GCN1: variants seen among roughly 807,000 people sequenced by gnomAD.
GCN1 encodes GCN1 activator of EIF2AK4.
Under a neutral mutation model 288.4 loss-of-function variants are expected in GCN1, and 90 were observed. That is an observed-to-expected ratio of 0.31 (90% CI 0.26 to 0.37). The LOEUF (loss-of-function observed/expected upper bound fraction) is 0.37. Ranked by LOEUF, GCN1 falls within the 10% of genes least tolerant of loss-of-function variation. The pLI is 1.00. For synonymous variants in GCN1, 1,386 were observed against 1,420.2 expected, an observed-to-expected ratio of 0.98 and a Z score of 0.54; for missense variants, 2,586 against 3,419.9, an observed-to-expected ratio of 0.76 and a Z score of 6.08.
rs773961763 is a variant in GCN1, at chr12:120,163,125, G to C, written c.1983C>G (p.Thr661=). 1.2e-5 allele frequency: 19 copies of C among 1,614,158 alleles called. No homozygotes were observed. The highest frequency in any genetic ancestry group is 1.6e-5 in the Non-Finnish European group (19 of 1,180,022). Residue 661 remains threonine, a synonymous_variant, in exon 19 of 58, where the codon ACC becomes ACG. Transcript: ENST00000300648. ...TTTCCTGGGCCAGTTGTTCAGTGTCGGTGACATCACCCTTGAGCCCTGGCA... is the reference window on the plus strand; with the variant it reads ...TTTCCTGGGCCAGTTGTTCAGTGTCCGTGACATCACCCTTGAGCCCTGGCA... ...SGVPGLKGDV[T]DTEQLAQEML...
chr12:120,153,381 T>C lies in GCN1; in HGVS notation c.3894A>G (p.Val1298=). 1 of 1,614,188 alleles carries C rather than the reference T, an allele frequency of 6.2e-7. No homozygotes were observed. The highest frequency in any genetic ancestry group is 1.7e-5 in the Admixed American group (1 of 60,028). ...GCGCGTTCTTCAGGAACTCCTCGAA[T>C]ACTGGCAACAGCGAGTTGACGTTCT... ...GKENVNSLLP[V]FEEFLKNAPN... The change falls in exon 33 of 58, where the codon GTA becomes GTG. Residue 1298 remains valine (V), a synonymous_variant. Coordinates refer to ENST00000300648, the MANE Select transcript of GCN1 (RefSeq NM_006836.2). This position sits in a 1 kb window ranked among gnomAD's most constrained non-coding sequence, Gnocchi z 4.4.
intron 36 of GCN1, 118 bp from the exon 37 acceptor site, chr12:120,148,464 A>T: frequency 1.3e-6 from 1 of 775,528 alleles, no homozygotes; most frequent in African/African-American, 1.7e-5. Context: ...GTGCTCAAGC[A>T]GTCACTGGGA....
At chr12:120,162,428 T>G (rs1472386215) in intron 20 of GCN1, among the ~76,000 whole-genome samples, 1 of 152,172 alleles carries the variant, frequency 6.6e-6, no homozygotes, top group African/African-American at 2.4e-5. Context: ...CCCAAGCCAG[T>G]AGACATTATT....
Position 120,158,381 on chromosome 12 carries a change from G to C in GCN1, c.2905+79C>G. ...CAATCCCCCAGGCTCAGGAGGCCCT[G>C]GGTGACGCTGTGCCTTGAGCAGCAT... On this transcript the variant is annotated intron_variant, in intron 25 of 57. Transcript: ENST00000300648. The surrounding 1 kb of genome is among the most constrained non-coding windows in gnomAD (Gnocchi z 4.3). The C allele has an allele frequency of 8.0e-7, 1 of 1,242,684 alleles. No individual in the cohort carries two copies. Among genetic ancestry groups the C allele is most frequent in the South Asian group, 1.5e-5 (1 of 66,050 alleles). The allele number at this position is 1,242,684 out of a possible 1,614,324, so 77.0% of individuals were successfully genotyped here.
rs1334898551 is a variant in GCN1, at chr12:120,127,991, G to A, written c.7891-17C>T. ...GGAGAGGGACTGTGGGGAAGGATGAGCAGGAGGAAACATAGTCAGAACATA... is the reference window on the plus strand; with the variant it reads ...GGAGAGGGACTGTGGGGAAGGATGAACAGGAGGAAACATAGTCAGAACATA... On this transcript the variant is annotated splice_polypyrimidine_tract_variant and intron_variant, in intron 57 of 57. Coordinates refer to ENST00000300648, the MANE Select transcript of GCN1 (RefSeq NM_006836.2). The A allele has an allele frequency of 1.9e-6, 3 of 1,613,562 alleles. No homozygotes were observed. The highest frequency in any genetic ancestry group is 1.7e-5 in the Admixed American group (1 of 59,968).
chr12:120,168,804 T>C (rs1436170698), intron 15 of GCN1, among the ~76,000 whole-genome samples: 1 of 152,132 alleles, frequency 6.6e-6, no homozygotes, highest in East Asian at 1.9e-4. Context: ...TATTTCTGTA[T>C]TTCCTCGCGC....
Position 120,185,654 on chromosome 12 carries a change from G to A in GCN1, c.122-767C>T, listed in dbSNP as rs560175024. Among the ~76,000 whole-genome samples the A allele has an allele frequency of 5.9e-5, 9 of 152,298 alleles. No individual in the cohort carries two copies. In the East Asian group the frequency reaches 1.7e-3, roughly 29 times the overall value. On this transcript the variant is annotated intron_variant, in intron 2 of 57. Coordinates refer to ENST00000300648, the MANE Select transcript of GCN1 (RefSeq NM_006836.2). ...CTCACTCTATCGCCCCGGCTGGAGT[G>A]CAGTAGTGCGATCTCGGCTCACCGC...
chr12:120,139,469 A>G (rs958851471), intron 45 of GCN1, among the ~76,000 whole-genome samples: 3 of 152,142 alleles, frequency 2.0e-5, no homozygotes, highest in Non-Finnish European at 4.4e-5. Context: ...TCTACTAAAA[A>G]TGCAAAAATT....
chr12:120,131,388 A>AC, intron 54 of GCN1, 55 bp from the exon 55 acceptor site: 1 of 1,578,638 alleles, frequency 6.3e-7, no homozygotes, highest in Non-Finnish European at 8.7e-7. Context: ...TGTCCCCAGC[A>AC]CCCATGAGGC....
At chr12:120,132,097 T>G in intron 53 of GCN1, 75 bp from the exon 54 acceptor site, 9 of 944,704 alleles carry the variant, frequency 9.5e-6, no homozygotes, top group Non-Finnish European at 1.3e-5. Context: ...CAGGCAGCTC[T>G]AGAGCCCAGG....
chr12:120,147,241 CG>C lies in GCN1; in HGVS notation c.4757del (p.Thr1586ArgfsTer60). Reference sequence around the variant, plus strand: ...ACTTCTGGGTCTTCCTGGAGGGATCCGTCAGGGCATCCAGGAGGACTGGAGC... The same window carrying C: ...ACTTCTGGGTCTTCCTGGAGGGATCCTCAGGGCATCCAGGAGGACTGGAGC... ...AIAPVLLDAL[T>X]DPSRKTQKCL... On this transcript the variant is annotated frameshift_variant, in exon 38 of 58. Coordinates refer to ENST00000300648, the MANE Select transcript of GCN1 (RefSeq NM_006836.2). LOFTEE classifies it high-confidence loss of function. 6.2e-7 allele frequency: 1 copy of C among 1,606,594 alleles called. No homozygotes were observed. Among genetic ancestry groups the C allele is most frequent in the Non-Finnish European group, 8.5e-7 (1 of 1,174,446 alleles).
At position 120,134,499 on chromosome 12, in the gene GCN1, T is replaced by C; in HGVS notation, c.7202+34A>G. On this transcript the variant is annotated intron_variant, in intron 52 of 57. Coordinates refer to ENST00000300648, the MANE Select transcript of GCN1 (RefSeq NM_006836.2). This position sits in a 1 kb window ranked among gnomAD's most constrained non-coding sequence, Gnocchi z 5.0. ...CGGCCCACAGCAACCCCTGGCCTCCTGGAGGCCACAGTGCTCCCTTGCCAG... is the reference window on the plus strand; with the variant it reads ...CGGCCCACAGCAACCCCTGGCCTCCCGGAGGCCACAGTGCTCCCTTGCCAG... 6.3e-7 allele frequency: 1 copy of C among 1,598,234 alleles called. No homozygotes were observed. The highest frequency in any genetic ancestry group is 8.6e-7 in the Non-Finnish European group (1 of 1,166,158).
At chr12:120,193,908 G>A (rs1307639057) in intron 1 of GCN1, among the ~76,000 whole-genome samples, 2 of 152,306 alleles carry the variant, frequency 1.3e-5, no homozygotes, top group African/African-American at 4.8e-5. Flanking sequence ...CAGCCCAGCT[G>A]TCCTTAGACA....
At position 120,149,750 on chromosome 12, in the gene GCN1, C is replaced by T. The variant is rs760219146; in HGVS notation, c.4432-30G>A. ...AGGGGGGAGAAAACACATTCAGGGG[C>T]CTCCTCACCCAAGCAAGGGGCAAGG... On this transcript the variant is annotated intron_variant, in intron 35 of 57. Transcript: ENST00000300648. 2.5e-6 allele frequency: 4 copies of T among 1,579,532 alleles called. No homozygotes were observed. The South Asian group carries it at 4.4e-5, about 17-fold the overall frequency.
At position 120,174,175 on chromosome 12, in the gene GCN1, A is replaced by C. The variant is rs1209552318; in HGVS notation, c.1094-6T>G. The C allele has an allele frequency of 1.3e-6, 2 of 1,526,206 alleles. No homozygotes were observed. Among genetic ancestry groups the C allele is most frequent in the South Asian group, 2.2e-5 (2 of 89,250 alleles). The allele number at this position is 1,526,206 out of a possible 1,614,324, so 94.5% of individuals were successfully genotyped here. On this transcript the variant is annotated splice_polypyrimidine_tract_variant and splice_region_variant and intron_variant, in intron 12 of 57. Transcript: ENST00000300648. ...ATGACTGACGCTCCCAATCCCTAAA[A>C]GGCAGATTCCCTGTTCAGTCTCTTA...
rs530756237 is a variant in GCN1 at position 120,184,932 on chromosome 12, G to A, written c.122-45C>T. 3.0e-6 allele frequency: 4 copies of A among 1,337,696 alleles called. No individual in the cohort carries two copies. In the African/African-American group the frequency reaches 4.3e-5, roughly 14 times the overall value. 82.9% of individuals were successfully genotyped at this position (1,337,696 alleles called of 1,614,324 possible). A position where few individuals can be genotyped will look rare whatever the true frequency, so the allele number is the denominator to read the frequency against. On this transcript the variant is annotated intron_variant, in intron 2 of 57. Transcript: ENST00000300648. ...AGACAGCGGTCAATAAAAATCACTT[G>A]GTAAGCCGCTGGAGTCAGGTATTCT...
At chr12:120,193,804 T>C (rs1425574782) in intron 1 of GCN1, among the ~76,000 whole-genome samples, 1 of 152,230 alleles carries the variant, frequency 6.6e-6, no homozygotes, top group Non-Finnish European at 1.5e-5. Flanking sequence ...GCCACCTGCA[T>C]AGGAGTCTCA....
intron 57 of GCN1, among the ~76,000 whole-genome samples, chr12:120,128,661 G>A (rs1318329213): frequency 6.6e-6 from 1 of 151,898 alleles, no homozygotes; most frequent in South Asian, 2.1e-4. Flanking sequence ...CAAGGCTGCT[G>A]GGGGCTGGGG....
rs535279039 is a variant in GCN1, at chr12:120,185,723, CAT to C, written c.122-838_122-837del. 2.4e-4 allele frequency among the ~76,000 whole-genome samples: 36 copies of C among 152,258 alleles called. 1 individual carries two copies. The South Asian group carries it at 6.6e-3, about 28-fold the overall frequency. On this transcript the variant is annotated intron_variant, in intron 2 of 57. Coordinates refer to ENST00000300648, the MANE Select transcript of GCN1 (RefSeq NM_006836.2). ...TCAAGTGATTCTCCTGCCTCAGCCA[CAT>C]GAGTAGCTGAGACTAAAGGTGCGCA...
Sources: allele counts gnomAD v4.1 joint callset (sites outside exome capture counted in the v4.1 genomes callset), GRCh38; gene constraint gnomAD v4.1.1; non-coding constraint Gnocchi (gnomAD v3.1); transcripts MANE v1.5; gene names NCBI Gene and HGNC (gene_info 2026-07-23, HGNC 2026-07-21).